Variants in KCTD1 observed in about 807,000 individuals in gnomAD.
KCTD1 encodes the protein potassium channel tetramerization domain containing 1.
In KCTD1, 24 loss-of-function variants were observed where a neutral mutation model predicts 66.0. The observed-to-expected ratio is 0.36, with a 90% confidence interval of 0.26 to 0.51. The LOEUF (loss-of-function observed/expected upper bound fraction) is 0.51, where lower values mean the gene tolerates loss of function less well. KCTD1 is among the 20% of genes least tolerant of loss of function. The pLI, the probability that KCTD1 is intolerant of heterozygous loss-of-function variation, is 0.95. For missense variants in KCTD1, 943 were observed against 1,205.2 expected (o/e 0.78, Z 3.22); for synonymous variants, 511 against 517.2 (o/e 0.99, Z 0.16).
intron 1 of KCTD1, among the ~76,000 whole-genome samples, chr18:26,516,437 T>C (rs1298410985): frequency 6.6e-6 from 1 of 152,116 alleles, no homozygotes; most frequent in East Asian, 1.9e-4. Flanking sequence ...GCTTCAGTCC[T>C]CCCGCCAACC....
intron 1 of KCTD1, among the ~76,000 whole-genome samples, chr18:26,534,107 A>T (rs1274154285): frequency 6.6e-6 from 1 of 152,062 alleles, no homozygotes; most frequent in Non-Finnish European, 1.5e-5. Context: ...TCTTACTGAA[A>T]CCTGAAGATT....
At chr18:26,522,247 T>C (rs1983947102) in intron 1 of KCTD1, among the ~76,000 whole-genome samples, 1 of 152,220 alleles carries the variant, frequency 6.6e-6, no homozygotes, top group African/African-American at 2.4e-5. Flanking sequence ...AGCCAGTGAT[T>C]GGCATCCTTA....
rs972772597 is a variant in KCTD1, at chr18:26,476,723, A to G, written c.1989-64T>C. The G allele has an allele frequency of 4.8e-6, 7 of 1,466,826 alleles. No homozygotes were observed. The African/African-American group carries it at 9.9e-5, about 21-fold the overall frequency. The allele number at this position is 1,466,826 out of a possible 1,614,324, so 90.9% of individuals were successfully genotyped here. On this transcript the variant is annotated intron_variant, in intron 2 of 4. Transcript: ENST00000580059. This position sits in a 1 kb window ranked among gnomAD's most constrained non-coding sequence, Gnocchi z 4.9. ...CAATTGTTCGGGCACTAGGACTAAG[A>G]GGTGTCTTTTATCACTGTCAAAGGT...
At chr18:26,518,350 T>A (rs902490284) in intron 1 of KCTD1, among the ~76,000 whole-genome samples, 1 of 152,028 alleles carries the variant, frequency 6.6e-6, no homozygotes, top group Admixed American at 6.5e-5. Flanking sequence ...CCAGGCTGGG[T>A]CTGCCTCCTG....
At chr18:26,629,250 A>G (rs1462566053), upstream of KCTD1, 3 of 982,652 alleles carry the variant, frequency 3.1e-6, no homozygotes, top group African/African-American at 3.5e-5. Flanking sequence ...GTAAAAGGAG[A>G]AAAGCGTAAA....
chr18:26,593,339 G>GGAGGAAGAGGAGGAA (rs1986658399), intron 1 of KCTD1, among the ~76,000 whole-genome samples: 2 of 44,876 alleles, frequency 4.5e-5, no homozygotes, highest in Non-Finnish European at 1.3e-4. Flanking sequence ...AGGAGGAAGA[G>GGAGGAAGAGGAGGAA]GAGGAAGAGG....
upstream of KCTD1, chr18:26,548,663 C>T (rs562142461): frequency 9.3e-7 from 1 of 1,079,000 alleles, no homozygotes; most frequent in Admixed American, 4.6e-5. Flanking sequence ...AGGAGCCGCG[C>T]TCCAATTGTC....
intron 1 of KCTD1, among the ~76,000 whole-genome samples, chr18:26,627,520 C>T (rs936742201): frequency 1.8e-4 from 28 of 152,148 alleles, no homozygotes; most frequent in African/African-American, 6.8e-4. Flanking sequence ...TTCAATTGTG[C>T]AACTAATTAT....
At chr18:26,609,964 C>A (rs1453940690) in intron 1 of KCTD1, among the ~76,000 whole-genome samples, 5 of 152,048 alleles carry the variant, frequency 3.3e-5, no homozygotes, top group African/African-American at 1.2e-4. Context: ...CTATACATAC[C>A]CATTTCATGA....
intron 1 of KCTD1, among the ~76,000 whole-genome samples, chr18:26,598,065 C>T (rs1297951054): frequency 6.6e-6 from 1 of 152,200 alleles, no homozygotes; most frequent in African/African-American, 2.4e-5. Flanking sequence ...ACTTCCCATT[C>T]TGACTTCCCC....
At position 26,548,095 on chromosome 18, in the gene KCTD1, G is replaced by A; in HGVS notation, c.442C>T (p.Pro148Ser). 1 of 1,326,862 alleles carries A rather than the reference G, an allele frequency of 7.5e-7. No homozygotes were observed. The highest frequency in any genetic ancestry group is 9.5e-7 in the Non-Finnish European group (1 of 1,048,168). The allele number at this position is 1,326,862 out of a possible 1,614,324, so 82.2% of individuals were successfully genotyped here. The change falls in exon 1 of 5, where the codon CCG becomes TCG. Residue 148 changes from proline (P) to serine (S), a missense_variant. This residue lies in a region of KCTD1 where 96 missense variants were observed against 132.5 expected (regional missense o/e 0.72). Coordinates refer to ENST00000580059, the MANE Select transcript of KCTD1 (RefSeq NM_001142730.3). ...TCCAGCTCGGAGCCGTCCCCGGGCG[G>A]CCCACCGCGGGCCCGGGGCGCCAGC... ...RLLAPRARGG[P>S]PGDGSELDPD... is the part of the protein sequence containing the mutation.
intron 1 of KCTD1, chr18:26,591,541 CA>C (rs1387817853): frequency 6.6e-6 from 1 of 152,172 alleles, no homozygotes; most frequent in Non-Finnish European, 1.5e-5. Flanking sequence ...AAATTCTTTT[CA>C]AGGTGCAGGG....
At chr18:26,487,717 T>C (rs1050723697) in intron 2 of KCTD1, among the ~76,000 whole-genome samples, 1 of 152,214 alleles carries the variant, frequency 6.6e-6, no homozygotes, top group Non-Finnish European at 1.5e-5. Context: ...GTCTACGCCC[T>C]TCTGGGCTTA....
rs534954918 is a variant in KCTD1, at chr18:26,476,107, A to G, written c.2133+408T>C. 3.3e-5 allele frequency among the ~76,000 whole-genome samples: 5 copies of G among 152,282 alleles called. No homozygotes were observed. The East Asian group carries it at 9.6e-4, about 29-fold the overall frequency. On this transcript the variant is annotated intron_variant, in intron 3 of 4. Coordinates refer to ENST00000580059, the MANE Select transcript of KCTD1 (RefSeq NM_001142730.3). The surrounding 1 kb of genome is among the most constrained non-coding windows in gnomAD (Gnocchi z 4.9). ...GGCTATCTCAGCGTGACTAACCTTA[A>G]CACTTATTACTAACTGTAAAGGGAA...
At chr18:26,513,054 G>A (rs1264739861) in intron 1 of KCTD1, among the ~76,000 whole-genome samples, 1 of 150,930 alleles carries the variant, frequency 6.6e-6, no homozygotes, top group Non-Finnish European at 1.5e-5. Flanking sequence ...ATACCCCAAA[G>A]AATGCACCTT....
At chr18:26,640,945 T>A (rs150881267), upstream of KCTD1, among the ~76,000 whole-genome samples, 1 of 152,178 alleles carries the variant, frequency 6.6e-6, no homozygotes, top group Non-Finnish European at 1.5e-5. Context: ...GGGATCTAGA[T>A]CCGAGAGAGT....
At chr18:26,473,283 C>T (rs1277783419) in intron 3 of KCTD1, among the ~76,000 whole-genome samples, 1 of 152,062 alleles carries the variant, frequency 6.6e-6, no homozygotes, top group Non-Finnish European at 1.5e-5. Context: ...AGCTGGAAGC[C>T]ATTATCCTCA....
chr18:26,590,175 C>T (rs1359988075), intron 1 of KCTD1, among the ~76,000 whole-genome samples: 1 of 152,072 alleles, frequency 6.6e-6, no homozygotes, highest in Non-Finnish European at 1.5e-5. Flanking sequence ...CCTCTGCCTC[C>T]TGGGTTCAAG....
chr18:26,612,619 A>G (rs28461783), intron 1 of KCTD1, among the ~76,000 whole-genome samples: 4,639 of 152,236 alleles, frequency 0.03, 111 homozygotes, highest in African/African-American at 0.074. Context: ...TCCCTCACAG[A>G]CTTTGGAAGG....
Sources: allele counts gnomAD v4.1 joint callset (sites outside exome capture counted in the v4.1 genomes callset), GRCh38; gene constraint gnomAD v4.1.1; regional missense constraint gnomAD v4.1.1; non-coding constraint Gnocchi (gnomAD v3.1); transcripts MANE v1.5; gene names NCBI Gene and HGNC (gene_info 2026-07-23, HGNC 2026-07-21).